MAL: variants seen among roughly 807,000 people sequenced by gnomAD.
MAL encodes mal, T cell differentiation protein (MAL blood group).
Under a neutral mutation model 16.7 loss-of-function variants are expected in MAL, and 5 were observed. The ratio of observed to expected loss-of-function variants is 0.30; its 90% confidence interval spans 0.16 to 0.63. MAL has a LOEUF of 0.63. Among genes scored for constraint, MAL ranks in the 30% least tolerant of loss-of-function variants. The pLI is 0.82. For missense variants in MAL, 202 were observed against 195.8 expected (o/e 1.03, Z -0.19); for synonymous variants, 96 against 85.5 (o/e 1.12, Z -0.67).
intron 3 of MAL, among the ~76,000 whole-genome samples, chr2:95,050,611 CT>C (rs1199968983): frequency 6.6e-6 from 1 of 152,186 alleles, no homozygotes; most frequent in African/African-American, 2.4e-5. Flanking sequence ...GGTGAAGTGC[CT>C]CTTCCCACTC....
Position 95,053,503 on chromosome 2 carries a change from GC to G in MAL, c.*52del. The G allele has an allele frequency of 7.1e-7, 1 of 1,406,836 alleles. No individual in the cohort carries two copies. The highest frequency in any genetic ancestry group is 1.2e-5 in the South Asian group (1 of 86,546). 87.1% of individuals were successfully genotyped at this position (1,406,836 alleles called of 1,614,324 possible). On this transcript the variant is annotated 3_prime_UTR_variant, in exon 4 of 4. Transcript: ENST00000309988. ...AAAACCCAGATGGTGTTAACTGGCC[GC>G]CCCACTTTCCGGCATAACTTTTTAG...
Position 95,025,965 on chromosome 2 carries a change from G to C in MAL, c.93+80G>C, listed in dbSNP as rs1673925279. ...CGGGCGCCCAGCACAGCTGTCGGAC[G>C]GGATCCGCTAGCTGCGCAGGTTCTG... On this transcript the variant is annotated intron_variant, in intron 1 of 3. Coordinates refer to ENST00000309988, the MANE Select transcript of MAL (RefSeq NM_002371.4). The surrounding 1 kb of genome is among the most constrained non-coding windows in gnomAD (Gnocchi z 5.6). 4 of 1,256,362 alleles carry C rather than the reference G, an allele frequency of 3.2e-6. No individual in the cohort carries two copies. Among genetic ancestry groups the C allele is most frequent in the South Asian group, 1.4e-5 (1 of 69,064 alleles). 77.8% of individuals were successfully genotyped at this position (1,256,362 alleles called of 1,614,324 possible).
At chr2:95,037,428 GTGAGTGAC>G (rs1245224270) in intron 1 of MAL, among the ~76,000 whole-genome samples, 2 of 151,256 alleles carry the variant, frequency 1.3e-5, no homozygotes, top group South Asian at 2.1e-4. Flanking sequence ...GAGTGGGTGA[GTGAGTGAC>G]TGAGTGACTG....
Position 95,053,363 on chromosome 2 carries a change from C to T in MAL, c.388-18C>T, listed in dbSNP as rs1261716441. Reference sequence around the variant, plus strand: ...CTCCCTACACAAACCCATTAACGGCCATTTCTCTTGGTTCCAGGTGTTCTC... The same window carrying T: ...CTCCCTACACAAACCCATTAACGGCTATTTCTCTTGGTTCCAGGTGTTCTC... On this transcript the variant is annotated intron_variant, in intron 3 of 3. Transcript: ENST00000309988. 2 of 1,581,532 alleles carry T rather than the reference C, an allele frequency of 1.3e-6. No homozygotes were observed. The highest frequency in any genetic ancestry group is 2.7e-5 in the African/African-American group (2 of 74,230).
chr2:95,025,714 C>T lies in MAL; in HGVS notation c.-79C>T, dbSNP rs909318111. 11 of 1,007,040 alleles carry T rather than the reference C, an allele frequency of 1.1e-5. No homozygotes were observed. The African/African-American group carries it at 1.9e-4, about 17-fold the overall frequency. 62.4% of individuals were successfully genotyped at this position (1,007,040 alleles called of 1,614,324 possible). On this transcript the variant is annotated 5_prime_UTR_variant, in exon 1 of 4. Coordinates refer to ENST00000309988, the MANE Select transcript of MAL (RefSeq NM_002371.4). The surrounding 1 kb of genome is among the most constrained non-coding windows in gnomAD (Gnocchi z 5.6). ...GCGCGGGGGCGCCCAGGCCACTGGG[C>T]TCCGCGGAGCCAGCGAGAGGTCTGC...
In MAL at chr2:95,025,837, C is replaced by A. The variant is rs1200604529; in HGVS notation, c.45C>A (p.Gly15=). The change falls in exon 1 of 4, where the codon GGC becomes GGA. Residue 15 remains glycine, a synonymous_variant. Transcript: ENST00000309988. This position sits in a 1 kb window ranked among gnomAD's most constrained non-coding sequence, Gnocchi z 5.6. ...CGGGGGGCAGCACCCTGCCCAGTGG[C>A]TTCTCGGTCTTCACCACCTTGCCCG... ...AATGGSTLPS[G]FSVFTTLPDL... is the part of the protein sequence containing the mutation. 2 of 1,578,340 alleles carry A rather than the reference C, an allele frequency of 1.3e-6. No individual in the cohort carries two copies. Among genetic ancestry groups the A allele is most frequent in the African/African-American group, 1.4e-5 (1 of 73,600 alleles).
At chr2:95,042,332 G>A (rs1222491975) in intron 1 of MAL, among the ~76,000 whole-genome samples, 1 of 152,212 alleles carries the variant, frequency 6.6e-6, no homozygotes, top group Non-Finnish European at 1.5e-5. Context: ...ACGAGGCCTT[G>A]GCCAAGAGTC....
rs1323989678 is a variant in MAL at position 95,039,324 on chromosome 2, GTGAC to G, written c.94-8631_94-8628del. On this transcript the variant is annotated intron_variant, in intron 1 of 3. Coordinates refer to ENST00000309988, the MANE Select transcript of MAL (RefSeq NM_002371.4). Reference sequence around the variant, plus strand: ...ACTGAGTGGGTGAGTGAGTGAGTGAGTGACTGAGTGAGTGAGTGAGTGAGTGACT... The same window carrying G: ...ACTGAGTGGGTGAGTGAGTGAGTGAGTGAGTGAGTGAGTGAGTGAGTGACT... Among the ~76,000 whole-genome samples, 45 of 150,998 alleles carry G rather than the reference GTGAC, an allele frequency of 3.0e-4. 1 individual carries two copies. The East Asian group carries it at 3.6e-3, about 12-fold the overall frequency.
At chr2:95,027,355 G>A (rs1469982732) in intron 1 of MAL, among the ~76,000 whole-genome samples, 1 of 152,184 alleles carries the variant, frequency 6.6e-6, no homozygotes, top group East Asian at 1.9e-4. Context: ...TTCCAGCGTG[G>A]CTTTGTGGCC....
In MAL at chr2:95,053,614, T is replaced by A; in HGVS notation, c.*159T>A. On this transcript the variant is annotated 3_prime_UTR_variant, in exon 4 of 4. Transcript: ENST00000309988. ...AAAAAAAGCCCTGCCCTGTTGCTCGTGGGTGCTGTGTTTACTCTCCCGTGT... is the reference window on the plus strand; with the variant it reads ...AAAAAAAGCCCTGCCCTGTTGCTCGAGGGTGCTGTGTTTACTCTCCCGTGT... 2 of 628,004 alleles carry A rather than the reference T, an allele frequency of 3.2e-6. No individual in the cohort carries two copies. Among genetic ancestry groups the A allele is most frequent in the African/African-American group, 1.8e-5 (1 of 54,370 alleles). 38.9% of individuals were successfully genotyped at this position (628,004 alleles called of 1,614,324 possible). A position where few individuals can be genotyped will look rare whatever the true frequency, so the allele number is the denominator to read the frequency against.
chr2:95,039,550 T>G (rs1573294844), intron 1 of MAL, among the ~76,000 whole-genome samples: 8 of 106,942 alleles, frequency 7.5e-5, no homozygotes, highest in East Asian at 2.9e-4. Flanking sequence ...GTGAGTGACT[T>G]GGTAAGTGAG....
chr2:95,039,474 GAGTA>G (rs202044781), intron 1 of MAL, among the ~76,000 whole-genome samples: 34 of 151,366 alleles, frequency 2.2e-4, no homozygotes, highest in Non-Finnish European at 4.6e-4. Flanking sequence ...GTGAGTGAGT[GAGTA>G]AGTGACTGAG....
chr2:95,046,565 G>A (rs536473456), intron 1 of MAL, among the ~76,000 whole-genome samples: 4 of 152,302 alleles, frequency 2.6e-5, no homozygotes, highest in East Asian at 1.9e-4. Context: ...GGCGAGGAGC[G>A]GGGCTGGGCT....
Position 95,049,655 on chromosome 2 carries a change from G to A in MAL, c.336G>A (p.Thr112=), listed in dbSNP as rs769164854. 6.8e-6 allele frequency: 11 copies of A among 1,613,902 alleles called. No individual in the cohort carries two copies. Among genetic ancestry groups the A allele is most frequent in the Admixed American group, 3.3e-5 (2 of 59,996 alleles). Residue 112 remains threonine (T), a synonymous_variant, in exon 3 of 4, where the codon ACG becomes ACA. Transcript: ENST00000309988. The part of the protein sequence containing the change: ...ASVLEALATI[T]MQDGFTYRHY... ...TCCTGGAGGCCCTGGCCACCATCAC[G>A]ATGCAAGACGGCTTCACCTACAGGC...
At chr2:95,037,301 T>C (rs1674247197) in intron 1 of MAL, among the ~76,000 whole-genome samples, 1 of 124,268 alleles carries the variant, frequency 8.0e-6, no homozygotes, top group Non-Finnish European at 1.7e-5. Flanking sequence ...GAATGACTGA[T>C]GGGTGAGTGA....
At chr2:95,049,261 T>A (rs1032356107) in intron 2 of MAL, among the ~76,000 whole-genome samples, 3 of 152,212 alleles carry the variant, frequency 2.0e-5, no homozygotes, top group Admixed American at 1.3e-4. Flanking sequence ...ACTGTGGCCA[T>A]GCACGACACT....
intron 1 of MAL, among the ~76,000 whole-genome samples, chr2:95,037,468 C>CTGAGTGACTGAGTGACTGAG (rs1558658043): frequency 3.2e-5 from 3 of 94,152 alleles, no homozygotes; most frequent in East Asian, 6.3e-4. Flanking sequence ...GAGTGACTAA[C>CTGAGTGACTGAGTGACTGAG]TGAGTGACTG....
At chr2:95,042,184 G>A (rs780380146) in intron 1 of MAL, among the ~76,000 whole-genome samples, 1 of 152,214 alleles carries the variant, frequency 6.6e-6, no homozygotes, top group Non-Finnish European at 1.5e-5. Context: ...GCACTGAGAG[G>A]CTGGGCAGGA....
At chr2:95,039,937 G>A (rs926397495) in intron 1 of MAL, among the ~76,000 whole-genome samples, 2 of 152,118 alleles carry the variant, frequency 1.3e-5, no homozygotes, top group Admixed American at 6.5e-5. Flanking sequence ...GGGAAGAGCC[G>A]CAGGACTTTG....
Sources: gnomAD v4.1 joint callset for allele counts (sites outside exome capture counted in the v4.1 genomes callset) on GRCh38, gnomAD v4.1.1 for gene constraint, Gnocchi (gnomAD v3.1) non-coding constraint, MANE v1.5 for transcripts, NCBI Gene and HGNC (gene_info 2026-07-23, HGNC 2026-07-21) for gene names.